Variants in SGCZ observed in about 807,000 individuals in gnomAD.
SGCZ encodes the protein sarcoglycan zeta.
Under a neutral mutation model 41.3 loss-of-function variants are expected in SGCZ, and 40 were observed. The ratio of observed to expected loss-of-function variants is 0.97; its 90% CI spans 0.75 to 1.26. SGCZ has a LOEUF of 1.26. Among genes scored for constraint, SGCZ ranks in the 50% most tolerant of loss-of-function variants. The pLI, the probability that SGCZ is intolerant of heterozygous loss-of-function variation, is 0.00. For synonymous variants in SGCZ, 206 were observed against 137.5 expected (o/e 1.50, Z -3.49); for missense variants, 552 against 369.8 (o/e 1.49, Z -4.04).
intron 1 of SGCZ, among the ~76,000 whole-genome samples, chr8:14,850,483 G>C (rs1222008190): frequency 1.3e-5 from 2 of 152,192 alleles, no homozygotes; most frequent in Non-Finnish European, 1.5e-5. Flanking sequence ...AAACGTGTGA[G>C]AAGGCTTCAT....
chr8:14,398,127 T>G lies in SGCZ; in HGVS notation c.235-73923A>C, dbSNP rs1306999798. Among the ~76,000 whole-genome samples the G allele has an allele frequency of 2.0e-5, 3 of 152,092 alleles. No homozygotes were observed. In the East Asian group the frequency reaches 5.8e-4, roughly 29 times the overall value. ...TCAAGTAGTCTAGATTTTCCCTGTC[T>G]GGAAAAACAAAAGAGTGGAAGGGAA... is the stretch of plus-strand genomic sequence containing the variant. On this transcript the variant is annotated intron_variant, in intron 2 of 7. Coordinates refer to ENST00000382080, the MANE Select transcript of SGCZ (RefSeq NM_139167.4).
At position 14,553,867 on chromosome 8, in the gene SGCZ, A is replaced by G. The variant is rs1585074716; in HGVS notation, c.234+865T>C. On this transcript the variant is annotated intron_variant, in intron 2 of 7. Coordinates refer to ENST00000382080, the MANE Select transcript of SGCZ (RefSeq NM_139167.4). ...CTCACTCCTGAGGATGCAGAGTTCT[A>G]AAGAATAATAGCAGTCTGGTCAGCA... 1.3e-5 allele frequency among the ~76,000 whole-genome samples: 2 copies of G among 152,214 alleles called. 1 individual carries two copies. Among genetic ancestry groups the G allele is most frequent in the African/African-American group, 4.8e-5 (2 of 41,558 alleles).
intron 2 of SGCZ, among the ~76,000 whole-genome samples, chr8:14,401,492 G>T (rs143890150): frequency 0.028 from 3,798 of 133,816 alleles, 164 homozygotes; most frequent in African/African-American, 0.1. Context: ...CTGTGTCCAC[G>T]TGATCTCATT....
chr8:14,355,973 C>A (rs965165129), intron 2 of SGCZ, among the ~76,000 whole-genome samples: 1 of 152,128 alleles, frequency 6.6e-6, no homozygotes, highest in African/African-American at 2.4e-5. Context: ...AATACACATT[C>A]AGCAGAAAAT....
At chr8:14,642,627 A>G (rs547340581) in intron 1 of SGCZ, among the ~76,000 whole-genome samples, 6 of 151,600 alleles carry the variant, frequency 4.0e-5, no homozygotes, top group Non-Finnish European at 8.9e-5. Context: ...TTAATTTTCA[A>G]TGGTAGCTTC....
At chr8:14,504,026 G>A (rs150945007) in intron 2 of SGCZ, among the ~76,000 whole-genome samples, 12 of 152,106 alleles carry the variant, frequency 7.9e-5, no homozygotes, top group African/African-American at 2.9e-4. Flanking sequence ...CATTTTATCT[G>A]CCCTTTATTT....
chr8:14,731,862 C>G (rs1021441799), intron 1 of SGCZ, among the ~76,000 whole-genome samples: 2 of 152,152 alleles, frequency 1.3e-5, no homozygotes, highest in African/African-American at 4.8e-5. Flanking sequence ...GGGATGGTCT[C>G]CTTAAGCTCC....
At chr8:15,225,714 G>A (rs751532738) in intron 1 of SGCZ, among the ~76,000 whole-genome samples, 4 of 152,144 alleles carry the variant, frequency 2.6e-5, no homozygotes, top group African/African-American at 4.8e-5. Context: ...TATGGGATGT[G>A]ACTTGCTTGG....
intron 5 of SGCZ, among the ~76,000 whole-genome samples, chr8:14,132,315 T>C (rs1041618936): frequency 1.3e-5 from 2 of 152,178 alleles, no homozygotes; most frequent in Non-Finnish European, 2.9e-5. Context: ...ATAAGTTTAT[T>C]CCTCTTAAAT....
intron 2 of SGCZ, among the ~76,000 whole-genome samples, chr8:14,385,265 G>A (rs1486776232): frequency 6.6e-6 from 1 of 152,114 alleles, no homozygotes; most frequent in African/African-American, 2.4e-5. Flanking sequence ...ACTATTAAGA[G>A]AATCCTCCCA....
intron 1 of SGCZ, among the ~76,000 whole-genome samples, chr8:14,626,759 T>G (rs1806473386): frequency 1.3e-5 from 2 of 152,190 alleles, no homozygotes; most frequent in Admixed American, 1.3e-4. Context: ...AGATCCTTCC[T>G]CACAGCCCTC....
At chr8:14,151,852 G>A (rs1027305141) in intron 5 of SGCZ, among the ~76,000 whole-genome samples, 5 of 151,944 alleles carry the variant, frequency 3.3e-5, no homozygotes, top group Admixed American at 6.6e-5. Context: ...AATAATGGAG[G>A]AAGAAAAAGC....
intron 1 of SGCZ, among the ~76,000 whole-genome samples, chr8:15,078,389 T>G (rs1246223619): frequency 6.6e-6 from 1 of 151,792 alleles, no homozygotes; most frequent in African/African-American, 2.4e-5. Context: ...TAATAACAAA[T>G]TCTTTGAATG....
chr8:14,921,428 C>G (rs958144544), intron 1 of SGCZ, among the ~76,000 whole-genome samples: 2 of 151,922 alleles, frequency 1.3e-5, no homozygotes, highest in African/African-American at 4.8e-5. Flanking sequence ...CCCTATCTAT[C>G]AAGTTGTAAA....
At chr8:14,926,711 G>A (rs142050759) in intron 1 of SGCZ, among the ~76,000 whole-genome samples, 1 of 151,994 alleles carries the variant, frequency 6.6e-6, no homozygotes, top group East Asian at 1.9e-4. Flanking sequence ...CATGATCTCA[G>A]CTCACTGCAA....
intron 2 of SGCZ, among the ~76,000 whole-genome samples, chr8:14,531,583 A>G (rs1803134402): frequency 6.6e-6 from 1 of 152,046 alleles, no homozygotes; most frequent in African/African-American, 2.4e-5. Flanking sequence ...AAATGTAAGA[A>G]TTCTAAAATA....
At chr8:14,678,775 C>G (rs1324159649) in intron 1 of SGCZ, among the ~76,000 whole-genome samples, 2 of 152,140 alleles carry the variant, frequency 1.3e-5, no homozygotes, top group African/African-American at 4.8e-5. Context: ...AACTTGGAAG[C>G]AACCAAGATG....
At chr8:14,733,866 T>C (rs1420933404) in intron 1 of SGCZ, among the ~76,000 whole-genome samples, 1 of 152,216 alleles carries the variant, frequency 6.6e-6, no homozygotes, top group Non-Finnish European at 1.5e-5. Flanking sequence ...ACCACATTTG[T>C]TAATCGTATA....
chr8:14,884,614 T>C (rs1329774557), intron 1 of SGCZ, among the ~76,000 whole-genome samples: 1 of 152,058 alleles, frequency 6.6e-6, no homozygotes, highest in Non-Finnish European at 1.5e-5. Flanking sequence ...TAAAGGTTTC[T>C]CTGGATGCAG....
Sources: allele counts gnomAD v4.1 joint callset (sites outside exome capture counted in the v4.1 genomes callset), GRCh38; gene constraint gnomAD v4.1.1; transcripts MANE v1.5; gene names NCBI Gene and HGNC (gene_info 2026-07-23, HGNC 2026-07-21).